KALRN: variants seen among roughly 807,000 people sequenced by gnomAD.
KALRN encodes kalirin RhoGEF kinase.
Under a neutral mutation model 353.7 loss-of-function variants are expected in KALRN, and 70 were observed. That is an observed-to-expected ratio of 0.20 (90% CI 0.16 to 0.24). The LOEUF (loss-of-function observed/expected upper bound fraction) is 0.24, where lower values mean the gene tolerates loss of function less well. Among genes scored for constraint, KALRN ranks in the 10% least tolerant of loss-of-function variants. The pLI, the probability that KALRN is intolerant of heterozygous loss-of-function variation, is 1.00. For missense variants in KALRN, 2,791 were observed against 3,756.7 expected, an observed-to-expected ratio of 0.74 and a Z score of 6.72; for synonymous variants, 1,391 against 1,434.8, an observed-to-expected ratio of 0.97 and a Z score of 0.69.
intron 45 of KALRN, 73 bp downstream of exon 45, chr3:124,662,001 C>G: frequency 8.3e-7 from 1 of 1,201,958 alleles, no homozygotes; most frequent in South Asian, 1.2e-5. Context: ...CGGCTTCCTC[C>G]CCCTGAAGCC....
At chr3:124,585,006 G>A (rs986916547) in intron 34 of KALRN, 2 of 1,389,928 alleles carry the variant, frequency 1.4e-6, no homozygotes, top group Non-Finnish European at 9.7e-7. Flanking sequence ...GGAGGCCTCT[G>A]GGGTAGGCGG....
At chr3:124,427,879 C>T (rs2150413639) in intron 15 of KALRN, among the ~76,000 whole-genome samples, 2 of 152,308 alleles carry the variant, frequency 1.3e-5, no homozygotes, top group Middle Eastern at 6.8e-3. Context: ...AATGATTGAT[C>T]AATGTTAATA....
At chr3:124,146,168 G>T (rs2067297089) in intron 1 of KALRN, among the ~76,000 whole-genome samples, 1 of 152,124 alleles carries the variant, frequency 6.6e-6, no homozygotes, top group Non-Finnish European at 1.5e-5. Flanking sequence ...TGAAAGTAAG[G>T]TTCCTACAGG....
chr3:124,057,138 G>C (rs1300189920), intron 1 of KALRN, among the ~76,000 whole-genome samples: 2 of 152,088 alleles, frequency 1.3e-5, no homozygotes, highest in Non-Finnish European at 2.9e-5. Context: ...AAGAGCTGGT[G>C]GGGAGGACGA....
intron 3 of KALRN, among the ~76,000 whole-genome samples, chr3:124,258,880 T>G (rs2072442368): frequency 6.6e-6 from 1 of 152,212 alleles, no homozygotes; most frequent in African/African-American, 2.4e-5. Flanking sequence ...GTATTTTCCA[T>G]CAAGGATGGT....
chr3:124,435,829 A>G (rs1216684840), intron 17 of KALRN, among the ~76,000 whole-genome samples: 1 of 152,236 alleles, frequency 6.6e-6, no homozygotes, highest in African/African-American at 2.4e-5. Flanking sequence ...TTTTGTAGAA[A>G]TTAATACATT....
intron 1 of KALRN, among the ~76,000 whole-genome samples, chr3:124,142,580 G>T (rs1443173667): frequency 1.3e-5 from 2 of 152,108 alleles, no homozygotes; most frequent in Non-Finnish European, 2.9e-5. Flanking sequence ...TTTTTCAGTG[G>T]TTCCTGGGGC....
Position 124,422,796 on chromosome 3 carries a change from A to G in KALRN, c.2543-16A>G, listed in dbSNP as rs771935508. On this transcript the variant is annotated splice_polypyrimidine_tract_variant and intron_variant, in intron 14 of 59. Coordinates refer to ENST00000682506, the MANE Select transcript of KALRN (RefSeq NM_001388419.1). ...TACTAGCTGGTTTTTAATTGTTTCCATTTTTTTAAAATCAGGAATTGAGTT... is the reference window on the plus strand; with the variant it reads ...TACTAGCTGGTTTTTAATTGTTTCCGTTTTTTTAAAATCAGGAATTGAGTT... The G allele has an allele frequency of 9.9e-6, 16 of 1,610,884 alleles. No individual in the cohort carries two copies. The highest frequency in any genetic ancestry group is 1.3e-5 in the Non-Finnish European group (15 of 1,177,688).
At chr3:124,671,590 G>T in intron 47 of KALRN, 70 bp from the exon 48 acceptor site, 1 of 1,058,188 alleles carries the variant, frequency 9.5e-7, no homozygotes, top group Non-Finnish European at 1.5e-6. Context: ...CAAAGCCTTG[G>T]ACCTAAGAGG....
intron 1 of KALRN, among the ~76,000 whole-genome samples, chr3:124,173,452 A>G (rs2072182381): frequency 1.3e-5 from 2 of 152,202 alleles, no homozygotes. Flanking sequence ...TGCTGAGGTT[A>G]ATCTGAAGTT....
chr3:124,698,043 C>T (rs1381692895), intron 55 of KALRN, among the ~76,000 whole-genome samples: 2 of 152,146 alleles, frequency 1.3e-5, no homozygotes, highest in African/African-American at 4.8e-5. Flanking sequence ...AATGTGGGCT[C>T]ACTGCAGCCT....
chr3:124,046,851 A>G (rs2040517690), intron 1 of KALRN, among the ~76,000 whole-genome samples: 1 of 151,424 alleles, frequency 6.6e-6, no homozygotes, highest in South Asian at 2.1e-4. Flanking sequence ...GTCAATGCCC[A>G]GGTTAGTGCC....
chr3:124,114,729 C>G (rs1180962628), intron 1 of KALRN, among the ~76,000 whole-genome samples: 1 of 152,112 alleles, frequency 6.6e-6, no homozygotes, highest in African/African-American at 2.4e-5. Flanking sequence ...AGTGGGGCTC[C>G]TGGACATAGT....
Position 124,696,252 on chromosome 3 carries a change from C to G in KALRN, c.7696C>G (p.Gln2566Glu). ...TTSTSATVKV[Q>E]GVPAAPNRPI... Reference sequence around the variant, plus strand: ...ATCAACGTCTGCAACAGTCAAAGTGCAAGGTACAGCCTCTTTGTTAGTCAA... The same window carrying G: ...ATCAACGTCTGCAACAGTCAAAGTGGAAGGTACAGCCTCTTTGTTAGTCAA... The change falls in exon 54 of 60, where the codon CAA (glutamine) becomes GAA (glutamate). Residue 2566 changes from glutamine to glutamate, a missense_variant. Around this residue, in one of 11 missense-constraint regions of KALRN, gnomAD observed 1,065 missense variants for 1,156.4 expected, o/e 0.92. Coordinates refer to ENST00000682506, the MANE Select transcript of KALRN (RefSeq NM_001388419.1). 1 of 1,613,706 alleles carries G rather than the reference C, an allele frequency of 6.2e-7. No individual in the cohort carries two copies. Among genetic ancestry groups the G allele is most frequent in the Non-Finnish European group, 8.5e-7 (1 of 1,179,664 alleles).
At chr3:124,681,149 C>A (rs910362690) in intron 51 of KALRN, among the ~76,000 whole-genome samples, 2 of 152,112 alleles carry the variant, frequency 1.3e-5, no homozygotes, top group Non-Finnish European at 2.9e-5. Context: ...GAGTGATGTT[C>A]CCACTCTGTA....
chr3:124,334,462 G>A lies in KALRN; in HGVS notation c.1614G>A (p.Leu538=). 3 of 1,613,918 alleles carry A rather than the reference G, an allele frequency of 1.9e-6. No homozygotes were observed. Among genetic ancestry groups the A allele is most frequent in the Non-Finnish European group, 2.5e-6 (3 of 1,179,844 alleles). Residue 538 remains leucine, a synonymous_variant, in exon 9 of 60, where the codon CTG becomes CTA. Transcript: ENST00000682506. The surrounding 1 kb of genome is among the most constrained non-coding windows in gnomAD (Gnocchi z 4.2). ...QHRKVRLHQR[L]QLCVFQQDVQ... ...GCAAGGTGCGGCTCCACCAGCGGCT[G>A]CAGCTCTGCGTCTTCCAGCAGGATG...
chr3:124,250,060 TG>T (rs200162185), intron 3 of KALRN, among the ~76,000 whole-genome samples: 2 of 151,628 alleles, frequency 1.3e-5, no homozygotes, highest in East Asian at 1.9e-4. Flanking sequence ...GGGCATGGCC[TG>T]GGGGGGGTGG....
chr3:124,167,366 C>T (rs1404906166), intron 1 of KALRN, among the ~76,000 whole-genome samples: 1 of 152,234 alleles, frequency 6.6e-6, no homozygotes, highest in Non-Finnish European at 1.5e-5. Context: ...GTCAGAAACA[C>T]TGGGAGCAAT....
intron 33 of KALRN, among the ~76,000 whole-genome samples, chr3:124,509,425 T>C (rs1263993581): frequency 6.6e-6 from 1 of 152,174 alleles, no homozygotes; most frequent in Admixed American, 6.6e-5. Flanking sequence ...GCCAGGCTGG[T>C]CTCAAATTCT....
Sources: allele counts gnomAD v4.1 joint callset (sites outside exome capture counted in the v4.1 genomes callset), GRCh38; gene constraint gnomAD v4.1.1; regional missense constraint gnomAD v4.1.1; non-coding constraint Gnocchi (gnomAD v3.1); transcripts MANE v1.5; gene names NCBI Gene and HGNC (gene_info 2026-07-23, HGNC 2026-07-21).